Variants in DOK5 observed in about 807,000 individuals in gnomAD.
DOK5 encodes downstream of tyrosine kinase 5.
A neutral mutation model predicts 43.3 loss-of-function variants in DOK5; 27 were observed. The observed-to-expected ratio is 0.62, with a 90% confidence interval of 0.46 to 0.86. The LOEUF (loss-of-function observed/expected upper bound fraction) is 0.86. Ranked by LOEUF, DOK5 falls within the 40% of genes least tolerant of loss-of-function variation. The probability of loss-of-function intolerance (pLI) is 0.00; values close to 1 mark genes in which losing one functional copy is unlikely to be tolerated. For missense variants in DOK5, 373 were observed against 392.9 expected, an observed-to-expected ratio of 0.95 and a Z score of 0.43; for synonymous variants, 146 against 140.1, an observed-to-expected ratio of 1.04 and a Z score of -0.30.
intron 2 of DOK5, among the ~76,000 whole-genome samples, chr20:54,571,265 T>C (rs775320577): frequency 3.9e-5 from 6 of 152,226 alleles, no homozygotes; most frequent in Non-Finnish European, 8.8e-5. Context: ...AATTGCTTTT[T>C]GCTGTTTTGT....
At chr20:54,538,672 G>T (rs1385168158) in intron 1 of DOK5, among the ~76,000 whole-genome samples, 1 of 152,108 alleles carries the variant, frequency 6.6e-6, no homozygotes, top group Non-Finnish European at 1.5e-5. Flanking sequence ...AAAATATTTA[G>T]GACAATGATA....
chr20:54,622,109 G>A (rs1206101694), intron 6 of DOK5, among the ~76,000 whole-genome samples: 3 of 151,806 alleles, frequency 2.0e-5, no homozygotes, highest in Non-Finnish European at 4.4e-5. Flanking sequence ...CAGGAGTATC[G>A]CTTGAACCCA....
rs117717075 is a variant in DOK5 at position 54,581,010 on chromosome 20, G to A, written c.175-7473G>A. ...TATTCTAGGAGTTTTATAGTTTCAGGTCTTACATTTAAGTCTCTAATCCAT... is the reference window on the plus strand; with the variant it reads ...TATTCTAGGAGTTTTATAGTTTCAGATCTTACATTTAAGTCTCTAATCCAT... On this transcript the variant is annotated intron_variant, in intron 2 of 7. Transcript: ENST00000262593. 1.2e-3 allele frequency among the ~76,000 whole-genome samples: 179 copies of A among 152,116 alleles called. 1 individual carries two copies. Among genetic ancestry groups the A allele is most frequent in the South Asian group, 6.2e-3 (30 of 4,822 alleles).
intron 6 of DOK5, among the ~76,000 whole-genome samples, chr20:54,625,988 G>C (rs151187307): frequency 6.6e-6 from 1 of 152,210 alleles, no homozygotes; most frequent in South Asian, 2.1e-4. Context: ...ACGCTGCTGC[G>C]AGGAGGGTCT....
At chr20:54,549,337 G>T (rs1395090788) in intron 1 of DOK5, among the ~76,000 whole-genome samples, 1 of 152,164 alleles carries the variant, frequency 6.6e-6, no homozygotes, top group Non-Finnish European at 1.5e-5. Flanking sequence ...TATGATATAT[G>T]ACAATAAAGG....
intron 7 of DOK5, among the ~76,000 whole-genome samples, chr20:54,644,997 CTTTTTTTTTTTTTT>C (rs869031533): frequency 1.1e-4 from 9 of 82,414 alleles, no homozygotes; most frequent in Admixed American, 2.8e-4. Context: ...TAAAAAAACT[CTTTTTTTTTTTTTT>C]TTTTTTTTTT....
At chr20:54,508,370 G>A (rs1982890220) in intron 1 of DOK5, among the ~76,000 whole-genome samples, 1 of 150,320 alleles carries the variant, frequency 6.7e-6, no homozygotes, top group Admixed American at 6.7e-5. Context: ...ATTTTACTTT[G>A]GAAATGACTG....
intron 1 of DOK5, among the ~76,000 whole-genome samples, chr20:54,524,831 A>G (rs1193161330): frequency 6.6e-6 from 1 of 152,218 alleles, no homozygotes; most frequent in Non-Finnish European, 1.5e-5. Context: ...GCTGAAACTG[A>G]TCTATGCCAG....
At chr20:54,558,876 A>T (rs1984805252) in intron 2 of DOK5, among the ~76,000 whole-genome samples, 1 of 152,218 alleles carries the variant, frequency 6.6e-6, no homozygotes, top group Admixed American at 6.5e-5. Context: ...AGATTGTAGA[A>T]TTTTAAAATT....
At chr20:54,609,925 G>A in intron 5 of DOK5, among the ~76,000 whole-genome samples, 1 of 152,200 alleles carries the variant, frequency 6.6e-6, no homozygotes, top group East Asian at 1.9e-4. Flanking sequence ...AATCCTTAAA[G>A]TCATGGTCTG....
intron 6 of DOK5, among the ~76,000 whole-genome samples, chr20:54,638,276 A>T (rs6023437): frequency 2.0e-5 from 3 of 151,984 alleles, no homozygotes; most frequent in Non-Finnish European, 4.4e-5. Context: ...ACATCAGGAG[A>T]GTATCTAAAG....
At chr20:54,627,797 C>A (rs1022677658) in intron 6 of DOK5, among the ~76,000 whole-genome samples, 1 of 152,136 alleles carries the variant, frequency 6.6e-6, no homozygotes, top group African/African-American at 2.4e-5. Context: ...AGTACTCAGG[C>A]GATGCTGAGG....
intron 6 of DOK5, among the ~76,000 whole-genome samples, chr20:54,635,407 T>C (rs1978778484): frequency 6.6e-6 from 1 of 152,162 alleles, no homozygotes; most frequent in Non-Finnish European, 1.5e-5. Context: ...TTACCATCTC[T>C]TCTCTCTGAA....
intron 6 of DOK5, among the ~76,000 whole-genome samples, chr20:54,620,948 G>A (rs1037207774): frequency 2.6e-5 from 4 of 152,190 alleles, no homozygotes; most frequent in Non-Finnish European, 5.9e-5. Context: ...ACCACAAGGG[G>A]ACAGATTATG....
At chr20:54,518,272 C>T (rs887161397) in intron 1 of DOK5, among the ~76,000 whole-genome samples, 1 of 152,070 alleles carries the variant, frequency 6.6e-6, no homozygotes, top group Non-Finnish European at 1.5e-5. Flanking sequence ...TATCCCTCCC[C>T]CTTCCCCCCA....
intron 2 of DOK5, among the ~76,000 whole-genome samples, chr20:54,579,269 G>A (rs1412856390): frequency 6.6e-6 from 1 of 151,914 alleles, no homozygotes; most frequent in Non-Finnish European, 1.5e-5. Context: ...GCCATGAATA[G>A]AAATTAACTT....
At chr20:54,636,655 T>C (rs1245179200) in intron 6 of DOK5, among the ~76,000 whole-genome samples, 1 of 152,152 alleles carries the variant, frequency 6.6e-6, no homozygotes, top group Non-Finnish European at 1.5e-5. Context: ...TTTAAAAAAC[T>C]CCTGACCTCT....
chr20:54,545,474 T>A (rs189059419), intron 1 of DOK5, among the ~76,000 whole-genome samples: 93 of 152,298 alleles, frequency 6.1e-4, no homozygotes, highest in African/African-American at 2.2e-3. Flanking sequence ...GATAGTGGAC[T>A]GTCCAGGCCA....
rs58563329 is a variant in DOK5 at position 54,481,131 on chromosome 20, C to CATCTATCT, written c.66+5162_66+5169dup. Among the ~76,000 whole-genome samples the CATCTATCT allele has an allele frequency of 2.7e-3, 375 of 139,560 alleles. 1 individual carries two copies. Among genetic ancestry groups the CATCTATCT allele is most frequent in the East Asian group, 4.3e-3 (21 of 4,876 alleles). The allele number at this position is 139,560 out of a possible 152,430, so 91.6% of individuals were successfully genotyped here. A position where few individuals can be genotyped will look rare whatever the true frequency, so the allele number is the denominator to read the frequency against. ...ATCTATCTATCTATCATGTATCTAT[C>CATCTATCT]ATCTATCTATCTATCTATCTATCTA... On this transcript the variant is annotated intron_variant, in intron 1 of 7. Transcript: ENST00000262593.
Sources: gnomAD v4.1 joint callset for allele counts (sites outside exome capture counted in the v4.1 genomes callset) on GRCh38, gnomAD v4.1.1 for gene constraint, MANE v1.5 for transcripts, NCBI Gene and HGNC (gene_info 2026-07-23, HGNC 2026-07-21) for gene names.